Variants in DCC observed in about 807,000 individuals in gnomAD.
DCC encodes netrin receptor DCC.
DCC carries 58 observed loss-of-function variants against 172.5 expected under a neutral mutation model. That is an observed-to-expected ratio of 0.34 (90% CI 0.27 to 0.42). The LOEUF (loss-of-function observed/expected upper bound fraction) is 0.42. Ranked by LOEUF, DCC falls within the 10% of genes least tolerant of loss-of-function variation. The pLI is 1.00. For missense variants in DCC, 1,740 were observed against 1,791.0 expected, an observed-to-expected ratio of 0.97 and a Z score of 0.51; for synonymous variants, 709 against 644.5, an observed-to-expected ratio of 1.10 and a Z score of -1.52.
chr18:53,465,632 A>C (rs1244803098), intron 24 of DCC, among the ~76,000 whole-genome samples: 1 of 152,114 alleles, frequency 6.6e-6, no homozygotes, highest in Non-Finnish European at 1.5e-5. Context: ...GTCTTTTGCC[A>C]AATTTTGGAA....
intron 12 of DCC, among the ~76,000 whole-genome samples, chr18:53,225,146 T>C (rs936029947): frequency 6.6e-6 from 1 of 152,042 alleles, no homozygotes; most frequent in African/African-American, 2.4e-5. Flanking sequence ...ATACAGTAAA[T>C]CATGTCAGTA....
At chr18:52,588,864 A>G (rs887854768) in intron 1 of DCC, among the ~76,000 whole-genome samples, 1 of 149,030 alleles carries the variant, frequency 6.7e-6, no homozygotes, top group Non-Finnish European at 1.5e-5. Flanking sequence ...TGCCAACAGC[A>G]TCTTTTTTTT....
chr18:52,437,845 T>G (rs1002493499), intron 1 of DCC, among the ~76,000 whole-genome samples: 4 of 152,176 alleles, frequency 2.6e-5, no homozygotes, highest in African/African-American at 4.8e-5. Context: ...TTCTTCCTCT[T>G]TCCTTTACAG....
intron 1 of DCC, among the ~76,000 whole-genome samples, chr18:52,385,207 A>G (rs1335540412): frequency 6.6e-6 from 1 of 152,162 alleles, no homozygotes; most frequent in Non-Finnish European, 1.5e-5. Flanking sequence ...TTCTTGTCCC[A>G]ATAAAGTGGA....
chr18:53,426,452 G>A (rs1216402652), intron 21 of DCC, among the ~76,000 whole-genome samples: 1 of 116,748 alleles, frequency 8.6e-6, no homozygotes, highest in African/African-American at 2.9e-5. Flanking sequence ...ATATATTTAT[G>A]TAATATATAT....
At chr18:52,981,344 C>T (rs867651975) in intron 5 of DCC, among the ~76,000 whole-genome samples, 7 of 152,166 alleles carry the variant, frequency 4.6e-5, no homozygotes, top group South Asian at 2.1e-4. Context: ...CTTTTTCATA[C>T]ATGTGTTAAA....
chr18:53,199,080 T>TC (rs2055495033), intron 9 of DCC, among the ~76,000 whole-genome samples: 2 of 46,438 alleles, frequency 4.3e-5, no homozygotes, highest in Admixed American at 6.6e-4. Context: ...TTTCTTTTTC[T>TC]TTTTTTTTTT....
intron 1 of DCC, among the ~76,000 whole-genome samples, chr18:52,466,162 G>C (rs901106937): frequency 6.6e-6 from 1 of 152,096 alleles, no homozygotes; most frequent in African/African-American, 2.4e-5. Context: ...AAGTCTCTCA[G>C]CTCCAAGCCC....
intron 14 of DCC, among the ~76,000 whole-genome samples, chr18:53,324,066 T>C (rs1429604444): frequency 6.6e-6 from 1 of 152,182 alleles, no homozygotes; most frequent in Admixed American, 6.5e-5. Flanking sequence ...TTAATTAGAA[T>C]TGCATTTTGT....
intron 12 of DCC, among the ~76,000 whole-genome samples, chr18:53,279,059 C>T (rs1383265145): frequency 6.6e-6 from 1 of 152,194 alleles, no homozygotes; most frequent in East Asian, 1.9e-4. Context: ...TTCTCCACAT[C>T]CTCTCCAGCA....
chr18:53,255,837 A>C (rs927030820), intron 12 of DCC, among the ~76,000 whole-genome samples: 2 of 152,100 alleles, frequency 1.3e-5, no homozygotes, highest in African/African-American at 4.8e-5. Context: ...CAACAGTGTA[A>C]AACTGTTCCT....
intron 15 of DCC, among the ~76,000 whole-genome samples, chr18:53,380,741 A>G (rs1354424670): frequency 1.3e-5 from 2 of 152,166 alleles, no homozygotes; most frequent in African/African-American, 4.8e-5. Context: ...TCAAGTTACT[A>G]ACTGACGATA....
chr18:53,387,613 C>G (rs1908251459), intron 16 of DCC, among the ~76,000 whole-genome samples: 1 of 152,134 alleles, frequency 6.6e-6, no homozygotes, highest in Non-Finnish European at 1.5e-5. Flanking sequence ...TAAGAGCTAA[C>G]AGATGGGTGT....
intron 26 of DCC, among the ~76,000 whole-genome samples, chr18:53,489,260 T>C (rs577109661): frequency 6.6e-6 from 1 of 152,312 alleles, no homozygotes; most frequent in South Asian, 2.1e-4. Context: ...AATAAATACA[T>C]CTTCAGTCAT....
intron 1 of DCC, among the ~76,000 whole-genome samples, chr18:52,672,098 T>C (rs1268238989): frequency 6.6e-6 from 1 of 152,154 alleles, no homozygotes; most frequent in African/African-American, 2.4e-5. Flanking sequence ...TTAACCTCTA[T>C]GTACAAAAAC....
chr18:52,947,478 T>A (rs1318009978), intron 5 of DCC, among the ~76,000 whole-genome samples: 1 of 152,148 alleles, frequency 6.6e-6, no homozygotes, highest in Non-Finnish European at 1.5e-5. Flanking sequence ...AGAGCTGATA[T>A]AGCAAGAACT....
At chr18:53,091,837 ATC>A (rs1287831770) in intron 7 of DCC, among the ~76,000 whole-genome samples, 285 of 75,174 alleles carry the variant, frequency 3.8e-3, no homozygotes, top group African/African-American at 0.017. Flanking sequence ...CTATCTATCT[ATC>A]TATCTATCTA....
At chr18:53,084,161 C>G (rs77623689) in intron 7 of DCC, among the ~76,000 whole-genome samples, 1 of 152,296 alleles carries the variant, frequency 6.6e-6, no homozygotes, top group African/African-American at 2.4e-5. Context: ...AGGCTCTTTA[C>G]AGAGTCCCGA....
chr18:52,682,185 G>A (rs549164719), intron 1 of DCC, among the ~76,000 whole-genome samples: 1 of 152,134 alleles, frequency 6.6e-6, no homozygotes, highest in East Asian at 1.9e-4. Flanking sequence ...ATATGAACCG[G>A]TCAATGTAAA....
Sources: allele counts gnomAD v4.1 joint callset (sites outside exome capture counted in the v4.1 genomes callset), GRCh38; gene constraint gnomAD v4.1.1; transcripts MANE v1.5; gene names NCBI Gene and HGNC (gene_info 2026-07-23, HGNC 2026-07-21).